The following C12orf42 variants were observed in gnomAD, a reference collection of about 807,000 sequenced individuals.
The protein encoded by C12orf42 is chromosome 12 open reading frame 42, also known as uncharacterized protein C12orf42.
Under a neutral mutation model 21.6 loss-of-function variants are expected in C12orf42, and 25 were observed. The ratio of observed to expected loss-of-function variants is 1.16; its 90% CI spans 0.84 to 1.62. C12orf42 has a LOEUF of 1.62. Among genes scored for constraint, C12orf42 ranks in the 40% most tolerant of loss-of-function variants. The pLI is 0.00. For synonymous variants in C12orf42, 174 were observed against 175.0 expected, an observed-to-expected ratio of 0.99 and a Z score of 0.05; for missense variants, 483 against 459.3, an observed-to-expected ratio of 1.05 and a Z score of -0.47.
At chr12:103,308,874 A>T (rs993360691) in intron 4 of C12orf42, among the ~76,000 whole-genome samples, 2 of 152,226 alleles carry the variant, frequency 1.3e-5, no homozygotes, top group Admixed American at 6.5e-5. Context: ...AGATACAAAC[A>T]TGCAGGAAGA....
At chr12:103,147,499 T>C in the C12orf42 span, among the ~76,000 whole-genome samples, 1 of 117,100 alleles carries the variant, frequency 8.5e-6, no homozygotes, top group East Asian at 2.9e-4. Flanking sequence ...TTTTCTTTTT[T>C]TTTCTTTTTT....
At chr12:103,524,993 G>C in the C12orf42 span, among the ~76,000 whole-genome samples, 2 of 151,706 alleles carry the variant, frequency 1.3e-5, no homozygotes, top group Non-Finnish European at 2.9e-5. Flanking sequence ...GGTCTGGGGA[G>C]ATTTTTTTGT....
intron 4 of C12orf42, among the ~76,000 whole-genome samples, chr12:103,352,665 CA>C (rs2043195647): frequency 6.6e-6 from 1 of 152,034 alleles, no homozygotes; most frequent in Admixed American, 6.6e-5. Context: ...CACAATTAAA[CA>C]GGCTTAAACA....
chr12:103,256,109 T>C (rs1319250240), intron 10 of C12orf42, among the ~76,000 whole-genome samples: 859 of 43,748 alleles, frequency 0.02, 21 homozygotes, highest in African/African-American at 0.068. Context: ...TATATATATA[T>C]ATACACACAC....
chr12:103,114,186 A>G, the C12orf42 span, among the ~76,000 whole-genome samples: 7 of 152,242 alleles, frequency 4.6e-5, no homozygotes, highest in South Asian at 2.1e-4. Context: ...AAGTGTTTCA[A>G]TAAAGTGGGA....
intron 2 of C12orf42, among the ~76,000 whole-genome samples, chr12:103,458,994 G>A (rs551397780): frequency 6.6e-6 from 1 of 152,114 alleles, no homozygotes; most frequent in South Asian, 2.1e-4. Context: ...TGTGGGAGAT[G>A]TGAGAAAAGA....
At chr12:103,131,851 T>C in the C12orf42 span, among the ~76,000 whole-genome samples, 1 of 152,094 alleles carries the variant, frequency 6.6e-6, no homozygotes, top group Non-Finnish European at 1.5e-5. Context: ...TTATTGATAA[T>C]GGTGTTGGTG....
the C12orf42 span, among the ~76,000 whole-genome samples, chr12:103,520,937 A>T: frequency 1.3e-5 from 2 of 152,212 alleles, no homozygotes; most frequent in African/African-American, 4.8e-5. Flanking sequence ...CTCCAGAAGG[A>T]ATTAGTCATT....
chr12:103,465,897 G>A (rs757553524), intron 2 of C12orf42, among the ~76,000 whole-genome samples: 12 of 152,176 alleles, frequency 7.9e-5, no homozygotes, highest in African/African-American at 1.2e-4. Flanking sequence ...AATGAATTAT[G>A]TATATTGATT....
At chr12:103,397,960 G>T (rs1188994533) in intron 3 of C12orf42, among the ~76,000 whole-genome samples, 1 of 152,158 alleles carries the variant, frequency 6.6e-6, no homozygotes, top group Non-Finnish European at 1.5e-5. Context: ...TACTCAAGGT[G>T]ATGGACACCC....
chr12:103,133,322 C>T, the C12orf42 span, among the ~76,000 whole-genome samples: 1 of 152,146 alleles, frequency 6.6e-6, no homozygotes, highest in Admixed American at 6.5e-5. Flanking sequence ...TTCCCAGAAG[C>T]TTAAGAACCC....
chr12:103,301,515 C>T (rs1280987635), downstream of C12orf42, among the ~76,000 whole-genome samples: 1 of 152,136 alleles, frequency 6.6e-6, no homozygotes, highest in East Asian at 1.9e-4. Flanking sequence ...TATTACAAAT[C>T]AGCAAATTCA....
the C12orf42 span, among the ~76,000 whole-genome samples, chr12:103,534,909 A>G: frequency 6.6e-6 from 1 of 152,352 alleles, no homozygotes; most frequent in Non-Finnish European, 1.5e-5. Context: ...TTGCAACCCA[A>G]TAAGAAAGAT....
chr12:103,071,965 G>A, the C12orf42 span, among the ~76,000 whole-genome samples: 1 of 152,118 alleles, frequency 6.6e-6, no homozygotes, highest in Non-Finnish European at 1.5e-5. Flanking sequence ...TGTTTCTTGG[G>A]TCCAAACAGT....
chr12:103,397,691 C>T (rs2047652467), intron 3 of C12orf42: 1 of 152,160 alleles, frequency 6.6e-6, no homozygotes, highest in African/African-American at 2.4e-5. Context: ...TCTCTAATTT[C>T]ATACCTTGGT....
intron 2 of C12orf42, among the ~76,000 whole-genome samples, chr12:103,432,023 A>G (rs1950302808): frequency 6.6e-6 from 1 of 152,216 alleles, no homozygotes; most frequent in African/African-American, 2.4e-5. Flanking sequence ...TTGACTTTCA[A>G]CTTGGGGTAT....
chr12:103,349,151 A>C (rs1249624518), intron 4 of C12orf42: 1 of 152,170 alleles, frequency 6.6e-6, no homozygotes, highest in Non-Finnish European at 1.5e-5. Flanking sequence ...AGAACTTCTG[A>C]GAAGAGTCTG....
chr12:103,101,327 C>T, the C12orf42 span, among the ~76,000 whole-genome samples: 1 of 152,202 alleles, frequency 6.6e-6, no homozygotes, highest in Non-Finnish European at 1.5e-5. Context: ...AGGAATGATT[C>T]AAGCTGCATT....
the C12orf42 span, among the ~76,000 whole-genome samples, chr12:103,183,705 A>G: frequency 6.6e-6 from 1 of 152,142 alleles, no homozygotes; most frequent in Non-Finnish European, 1.5e-5. Context: ...TTTTTGTGTT[A>G]CAAATTTTCT....
Sources: allele counts gnomAD v4.1 joint callset (sites outside exome capture counted in the v4.1 genomes callset), GRCh38; gene constraint gnomAD v4.1.1; transcripts MANE v1.5; gene names NCBI Gene and HGNC (gene_info 2026-07-23, HGNC 2026-07-21).